Variants in EYS observed in about 807,000 individuals in gnomAD.
EYS encodes the protein protein eyes shut homolog.
A neutral mutation model predicts 282.1 loss-of-function variants in EYS; 250 were observed. The ratio of observed to expected loss-of-function variants is 0.89; its 90% confidence interval spans 0.80 to 0.98. The LOEUF is 0.98. Among genes scored for constraint, EYS ranks in the 50% least tolerant of loss-of-function variants. The pLI, the probability that EYS is intolerant of heterozygous loss-of-function variation, is 0.00. For synonymous variants in EYS, 1,355 were observed against 1,282.9 expected (o/e 1.06, Z -1.20); for missense variants, 4,016 against 3,709.0 (o/e 1.08, Z -2.15).
At chr6:65,563,625 A>T (rs940250551) in intron 2 of EYS, among the ~76,000 whole-genome samples, 3 of 152,068 alleles carry the variant, frequency 2.0e-5, no homozygotes, top group Non-Finnish European at 4.4e-5. Context: ...CCATTATGAC[A>T]TTGTACACAG....
intron 35 of EYS, among the ~76,000 whole-genome samples, chr6:63,908,780 C>G (rs1465614483): frequency 6.6e-6 from 1 of 152,118 alleles, no homozygotes; most frequent in African/African-American, 2.4e-5. Context: ...AATAAACCAT[C>G]ATTTTCTATC....
chr6:65,373,503 G>A (rs1408755168), intron 8 of EYS, among the ~76,000 whole-genome samples: 1 of 151,896 alleles, frequency 6.6e-6, no homozygotes, highest in Non-Finnish European at 1.5e-5. Context: ...ATTTCTGAGG[G>A]AGCAGTCCTG....
At chr6:63,769,076 T>C (rs66821610) in intron 40 of EYS, among the ~76,000 whole-genome samples, 12,359 of 151,890 alleles carry the variant, frequency 0.081, 565 homozygotes, top group East Asian at 0.16. Flanking sequence ...CTACTTGATG[T>C]AGGAAGGTGG....
intron 2 of EYS, among the ~76,000 whole-genome samples, chr6:65,553,739 C>A (rs1332907815): frequency 1.3e-5 from 2 of 151,900 alleles, no homozygotes; most frequent in Non-Finnish European, 2.9e-5. Flanking sequence ...TAATTTTTGC[C>A]AACGTATTAG....
intron 5 of EYS, among the ~76,000 whole-genome samples, chr6:65,453,682 C>A (rs1012872020): frequency 6.6e-6 from 1 of 151,958 alleles, no homozygotes; most frequent in Non-Finnish European, 1.5e-5. Context: ...CCTCTCCCCT[C>A]CCCCCTACAG....
At chr6:64,760,374 C>G (rs775741143) in intron 22 of EYS, among the ~76,000 whole-genome samples, 4 of 152,088 alleles carry the variant, frequency 2.6e-5, no homozygotes, top group African/African-American at 9.7e-5. Flanking sequence ...GTCCCAGAAA[C>G]CCCTCAGTCC....
chr6:64,367,442 T>C (rs1162566), intron 29 of EYS, among the ~76,000 whole-genome samples: 108,958 of 151,864 alleles, frequency 0.72, 39,299 homozygotes, highest in African/African-American at 0.79. Context: ...GCTCTCCTAT[T>C]CTTCAACTTA....
intron 35 of EYS, among the ~76,000 whole-genome samples, chr6:63,957,992 A>G (rs1025375559): frequency 7.1e-6 from 1 of 140,688 alleles, no homozygotes; most frequent in Non-Finnish European, 1.6e-5. Flanking sequence ...CTTTGAATTG[A>G]CCCATATTTA....
intron 30 of EYS, among the ~76,000 whole-genome samples, chr6:64,291,177 G>GA (rs1464644799): frequency 6.6e-6 from 1 of 151,800 alleles, no homozygotes; most frequent in African/African-American, 2.4e-5. Flanking sequence ...ATAGATGCCT[G>GA]AGGGGACTAG....
chr6:64,482,518 T>G (rs549224192), intron 26 of EYS, among the ~76,000 whole-genome samples: 1 of 151,742 alleles, frequency 6.6e-6, no homozygotes, highest in African/African-American at 2.4e-5. Context: ...CTCAGTTTAC[T>G]CATCAGTTTA....
rs1401605537 is a variant in EYS at position 64,566,638 on chromosome 6, C to T, written c.5644+23585G>A. 2.0e-5 allele frequency among the ~76,000 whole-genome samples: 3 copies of T among 152,164 alleles called. No individual in the cohort carries two copies. The South Asian group carries it at 6.2e-4, about 32-fold the overall frequency. ...CTATTTACACATATTTTATGCTTTA[C>T]ACCAGTCCACCTAAGGCTTGAAGTT... On this transcript the variant is annotated intron_variant, in intron 26 of 42. Coordinates refer to ENST00000503581, the MANE Select transcript of EYS (RefSeq NM_001142800.2).
chr6:65,668,501 A>T (rs953507445), intron 1 of EYS, among the ~76,000 whole-genome samples: 5 of 151,864 alleles, frequency 3.3e-5, no homozygotes, highest in African/African-American at 7.2e-5. Flanking sequence ...TTCACTCTAC[A>T]ATGACAGGAT....
At chr6:65,444,912 T>A (rs1474254507) in intron 5 of EYS, among the ~76,000 whole-genome samples, 3 of 152,050 alleles carry the variant, frequency 2.0e-5, no homozygotes, top group Non-Finnish European at 2.9e-5. Flanking sequence ...AATTCATGCT[T>A]TTTCAGTCTT....
chr6:64,997,781 T>C (rs1222525462), intron 13 of EYS, 78 bp from the exon 14 acceptor site: 2 of 1,324,244 alleles, frequency 1.5e-6, no homozygotes, highest in Admixed American at 2.4e-5. Flanking sequence ...TCTAAAATTC[T>C]ATAATCATTT....
Position 65,296,119 on chromosome 6 carries a change from T to C in EYS, c.1767A>G (p.Arg589=). Residue 589 remains arginine (R), a splice_region_variant and synonymous_variant, in exon 12 of 43, where the codon AGA becomes AGG. Coordinates refer to ENST00000503581, the MANE Select transcript of EYS (RefSeq NM_001142800.2). ...AVCKDEINRP[R]CSCSLSYIGR... is the part of the protein sequence containing the mutation. The stretch of plus-strand genomic sequence containing the variant: ...CAATGTAACTAAGAGAACAGCTGCA[T>C]CTGAAACACAGAGAAATGAAAAACC... 1 of 1,541,690 alleles carries C rather than the reference T, an allele frequency of 6.5e-7. No homozygotes were observed. Among genetic ancestry groups the C allele is most frequent in the Non-Finnish European group, 8.7e-7 (1 of 1,144,188 alleles).
chr6:65,206,972 G>C (rs1055898913), intron 12 of EYS, among the ~76,000 whole-genome samples: 1 of 151,794 alleles, frequency 6.6e-6, no homozygotes, highest in African/African-American at 2.4e-5. Flanking sequence ...ACCAAGAAAA[G>C]GATGTTCCCT....
chr6:64,859,687 T>C (rs545131845), intron 19 of EYS, among the ~76,000 whole-genome samples: 1 of 152,190 alleles, frequency 6.6e-6, no homozygotes, highest in African/African-American at 2.4e-5. Context: ...CCTTTCACTT[T>C]CCCCTGTGAT....
chr6:64,830,724 G>C (rs1040234901), intron 19 of EYS, among the ~76,000 whole-genome samples: 6 of 151,956 alleles, frequency 3.9e-5, no homozygotes, highest in African/African-American at 1.4e-4. Context: ...TTGGGTATCT[G>C]TTTCCAGATT....
At chr6:64,072,662 T>G (rs1771632156) in intron 32 of EYS, among the ~76,000 whole-genome samples, 1 of 151,884 alleles carries the variant, frequency 6.6e-6, no homozygotes, top group Non-Finnish European at 1.5e-5. Context: ...TGTTGACTTG[T>G]TCTCCACTCC....
Sources: gnomAD v4.1 joint callset for allele counts (sites outside exome capture counted in the v4.1 genomes callset) on GRCh38, gnomAD v4.1.1 for gene constraint, MANE v1.5 for transcripts, NCBI Gene and HGNC (gene_info 2026-07-23, HGNC 2026-07-21) for gene names.